The following CSMD1 variants were observed in gnomAD, a reference collection of about 807,000 sequenced individuals.
The protein encoded by CSMD1 is CUB and Sushi multiple domains 1, also known as CUB and sushi domain-containing protein 1.
CSMD1 carries 213 observed loss-of-function variants against 417.5 expected under a neutral mutation model. The observed-to-expected ratio is 0.51, with a 90% CI of 0.46 to 0.57. The LOEUF is 0.57. Ranked by LOEUF, CSMD1 falls within the 20% of genes least tolerant of loss-of-function variation. CSMD1 has a pLI of 0.00. For missense variants in CSMD1, 6,923 were observed against 4,529.7 expected (o/e 1.53, Z -15.17); for synonymous variants, 2,862 against 1,736.8 (o/e 1.65, Z -16.11).
chr8:4,878,986 G>C lies in CSMD1; in HGVS notation c.85+115346C>G, dbSNP rs559416589. On this transcript the variant is annotated intron_variant, in intron 1 of 69. Transcript: ENST00000635120. The stretch of plus-strand genomic sequence containing the variant: ...TGAGAAGCAGGGAGAGGGGTCATGG[G>C]AGAACAGGATGGGTGAGGGCAAGGG... Among the ~76,000 whole-genome samples the C allele has an allele frequency of 2.0e-5, 3 of 152,122 alleles. No individual in the cohort carries two copies. In the East Asian group the frequency reaches 5.8e-4, roughly 29 times the overall value.
In CSMD1 at chr8:4,205,391, T is replaced by C. The variant is rs140899115; in HGVS notation, c.416-173292A>G. Reference sequence around the variant, plus strand: ...AAAAGTGTGAACAATTTTTTAGCCTTGGCATGTGCCTCATCTCTTTTTAGT... The same window carrying C: ...AAAAGTGTGAACAATTTTTTAGCCTCGGCATGTGCCTCATCTCTTTTTAGT... On this transcript the variant is annotated intron_variant, in intron 3 of 69. Transcript: ENST00000635120. 2.6e-3 allele frequency among the ~76,000 whole-genome samples: 399 copies of C among 152,380 alleles called. 1 individual carries two copies. Among genetic ancestry groups the C allele is most frequent in the Non-Finnish European group, 4.1e-3 (279 of 68,030 alleles).
intron 3 of CSMD1, among the ~76,000 whole-genome samples, chr8:4,215,302 C>G (rs774173496): frequency 1.8e-4 from 27 of 152,144 alleles, no homozygotes; most frequent in Non-Finnish European, 2.9e-4. Context: ...CTCCTCCCTC[C>G]CCACCACCCA....
At chr8:4,452,844 C>T (rs1405276845) in intron 2 of CSMD1, among the ~76,000 whole-genome samples, 1 of 151,944 alleles carries the variant, frequency 6.6e-6, no homozygotes, top group Non-Finnish European at 1.5e-5. Flanking sequence ...AAACTAAAGG[C>T]AAAATGAGAA....
chr8:4,068,623 G>C lies in CSMD1; in HGVS notation c.416-36524C>G, dbSNP rs146963062. On this transcript the variant is annotated intron_variant, in intron 3 of 69. Transcript: ENST00000635120. Reference sequence around the variant, plus strand: ...AGAAAACATATCTAGTTCATATAATGTTACCATATCAGTGGAACTGTGAGT... The same window carrying C: ...AGAAAACATATCTAGTTCATATAATCTTACCATATCAGTGGAACTGTGAGT... Among the ~76,000 whole-genome samples the C allele has an allele frequency of 7.8e-3, 1,190 of 152,144 alleles. 19 individuals carry two copies. Among genetic ancestry groups the C allele is most frequent in the African/African-American group, 0.027 (1,130 of 41,502 alleles).
chr8:3,466,906 A>AT (rs1412551281), intron 12 of CSMD1, among the ~76,000 whole-genome samples: 1 of 152,094 alleles, frequency 6.6e-6, no homozygotes, highest in African/African-American at 2.4e-5. Flanking sequence ...TAATCTCTTA[A>AT]TTTTTTAAAA....
intron 5 of CSMD1, among the ~76,000 whole-genome samples, chr8:3,799,519 C>G (rs1417630395): frequency 6.6e-6 from 1 of 150,886 alleles, no homozygotes; most frequent in East Asian, 2.0e-4. Flanking sequence ...ATACATGTAA[C>G]ATTAGGTAAA....
At chr8:4,449,373 C>G (rs1300687809) in intron 2 of CSMD1, among the ~76,000 whole-genome samples, 3 of 152,112 alleles carry the variant, frequency 2.0e-5, no homozygotes, top group Admixed American at 6.6e-5. Context: ...CAGAATGATT[C>G]TGGTGTATAA....
chr8:4,219,875 C>T (rs1473755481), intron 3 of CSMD1, among the ~76,000 whole-genome samples: 5 of 152,060 alleles, frequency 3.3e-5, no homozygotes, highest in African/African-American at 7.2e-5. Flanking sequence ...GACAAAATCT[C>T]GAATTAATAC....
intron 21 of CSMD1, among the ~76,000 whole-genome samples, chr8:3,350,638 A>C (rs1808354632): frequency 6.6e-6 from 1 of 152,194 alleles, no homozygotes; most frequent in Non-Finnish European, 1.5e-5. Context: ...CTTCTTAAGG[A>C]CTTTTATTCT....
chr8:4,414,399 A>C (rs1365231562), intron 3 of CSMD1, among the ~76,000 whole-genome samples: 1 of 152,158 alleles, frequency 6.6e-6, no homozygotes, highest in East Asian at 1.9e-4. Context: ...ATAGAACTGT[A>C]GGCCATTTTC....
intron 3 of CSMD1, among the ~76,000 whole-genome samples, chr8:4,346,266 A>G (rs973799138): frequency 6.6e-6 from 1 of 152,174 alleles, no homozygotes; most frequent in Non-Finnish European, 1.5e-5. Flanking sequence ...AAGAATAATA[A>G]TATTTCATAG....
chr8:4,004,540 G>A (rs552531160), intron 4 of CSMD1, among the ~76,000 whole-genome samples: 115 of 151,756 alleles, frequency 7.6e-4, no homozygotes, highest in South Asian at 1.2e-3. Flanking sequence ...AAATGAAGTA[G>A]TATTTTTAGC....
chr8:3,312,245 C>T (rs1012736075), intron 23 of CSMD1, among the ~76,000 whole-genome samples: 2 of 152,148 alleles, frequency 1.3e-5, no homozygotes, highest in African/African-American at 4.8e-5. Context: ...TAAACTACAC[C>T]TTGTCATACA....
intron 1 of CSMD1, among the ~76,000 whole-genome samples, chr8:4,978,041 T>G (rs771916203): frequency 6.6e-6 from 1 of 152,184 alleles, no homozygotes; most frequent in Non-Finnish European, 1.5e-5. Context: ...ACATTCACTT[T>G]TACAGCCAGA....
chr8:3,486,691 G>A (rs1016360975), intron 11 of CSMD1, among the ~76,000 whole-genome samples: 1 of 152,222 alleles, frequency 6.6e-6, no homozygotes, highest in African/African-American at 2.4e-5. Context: ...TCCGATTCCT[G>A]TGGGACCTAT....
At chr8:3,556,414 T>TATATATATATATA (rs1349911850) in intron 10 of CSMD1, among the ~76,000 whole-genome samples, 23 of 141,990 alleles carry the variant, frequency 1.6e-4, no homozygotes, top group South Asian at 4.4e-4. Context: ...TATATATATA[T>TATATATATATATA]TCACACACAC....
chr8:3,809,118 C>T (rs961261710), intron 5 of CSMD1, among the ~76,000 whole-genome samples: 14 of 152,080 alleles, frequency 9.2e-5, no homozygotes, highest in African/African-American at 2.9e-4. Flanking sequence ...ACATGCTCTG[C>T]CCTCTATTGG....
chr8:3,024,928 G>A (rs1244305976), intron 51 of CSMD1, among the ~76,000 whole-genome samples: 2 of 152,196 alleles, frequency 1.3e-5, no homozygotes, highest in African/African-American at 2.4e-5. Flanking sequence ...TGTACTGCCT[G>A]CCTGTGCCTT....
rs78630659 is a variant in CSMD1 at position 3,034,954 on chromosome 8, C to T, written c.7661-5441G>A. ...AGAAAGGGAAGGAGGGCCTCGGAAA[C>T]GGCTTTCTACTGAGCTCTCATTTCT... On this transcript the variant is annotated intron_variant, in intron 50 of 69. Transcript: ENST00000635120. Among the ~76,000 whole-genome samples, 395 of 152,256 alleles carry T rather than the reference C, an allele frequency of 2.6e-3. 3 individuals are homozygous for T. The highest frequency in any genetic ancestry group is 0.014 in the Middle Eastern group (4 of 294).
Sources: gnomAD v4.1 joint callset for allele counts (sites outside exome capture counted in the v4.1 genomes callset) on GRCh38, gnomAD v4.1.1 for gene constraint, MANE v1.5 for transcripts, NCBI Gene and HGNC (gene_info 2026-07-23, HGNC 2026-07-21) for gene names.